Variants in KLHL33 observed in about 807,000 individuals in gnomAD.
KLHL33 encodes the protein kelch like family member 33, also known as kelch-like protein 33.
In KLHL33, 46 loss-of-function variants were observed where a neutral mutation model predicts 60.8. The ratio of observed to expected loss-of-function variants is 0.76; its 90% CI spans 0.60 to 0.97. The LOEUF (loss-of-function observed/expected upper bound fraction) is 0.97. Among genes scored for constraint, KLHL33 ranks in the 50% least tolerant of loss-of-function variants. The probability of loss-of-function intolerance (pLI) is 0.00; values close to 1 mark genes in which losing one functional copy is unlikely to be tolerated. For synonymous variants in KLHL33, 434 were observed against 432.2 expected (o/e 1.00, Z -0.05); for missense variants, 1,055 against 1,000.0 (o/e 1.05, Z -0.74).
Position 20,436,079 on chromosome 14 carries a change from GC to G in KLHL33, c.-20+19del. ...ACCGGGACCACACCCCTCCCCTATT[GC>G]CCCCATCCTTTTAGTCACCCTCAGG... On this transcript the variant is annotated intron_variant, in intron 1 of 4. Coordinates refer to ENST00000636854, the MANE Select transcript of KLHL33 (RefSeq NM_001365790.2). 3.2e-6 allele frequency: 1 copy of G among 309,198 alleles called. No homozygotes were observed. The highest frequency in any genetic ancestry group is 5.9e-6 in the Non-Finnish European group (1 of 170,026). 19.2% of individuals were successfully genotyped at this position (309,198 alleles called of 1,614,324 possible). A position where few individuals can be genotyped will look rare whatever the true frequency, so the allele number is the denominator to read the frequency against.
At chr14:20,432,927 A>AAAGAAAGAAAGAAAGAAAG (rs1566501778) in intron 2 of KLHL33, among the ~76,000 whole-genome samples, 2 of 20,532 alleles carry the variant, frequency 9.7e-5, no homozygotes, top group Non-Finnish European at 1.9e-4. Context: ...ATCTCAAAAA[A>AAAGAAAGAAAGAAAGAAAG]AAGAAAGAAA....
At chr14:20,433,200 A>G (rs1880578283) in intron 2 of KLHL33, among the ~76,000 whole-genome samples, 1 of 152,200 alleles carries the variant, frequency 6.6e-6, no homozygotes. Context: ...ATATAGTAAA[A>G]TATTAGTTGT....
chr14:20,430,156 T>C lies in KLHL33; in HGVS notation c.1312A>G (p.Arg438Gly). 6.4e-7 allele frequency: 1 copy of C among 1,551,414 alleles called. No individual in the cohort carries two copies. Residue 438 changes from arginine (R) to glycine (G), a missense_variant, in exon 3 of 5, where the codon AGG (arginine) becomes GGG (glycine). Coordinates refer to ENST00000636854, the MANE Select transcript of KLHL33 (RefSeq NM_001365790.2). The stretch of plus-strand genomic sequence containing the variant: ...GGAAGTAGCCCGGCTGCCCGCACCC[T>C]CCGCAACTCCCTGGTGGACATGCGG... Reference protein sequence around the residue: ...FGRMSTRELRRVRAAGLLPPL... With the variant: ...FGRMSTRELRGVRAAGLLPPL...
chr14:20,429,994 G>C lies in KLHL33; in HGVS notation c.1474C>G (p.Pro492Ala), dbSNP rs1299135816. The change falls in exon 3 of 5, where the codon CCA becomes GCA. Residue 492 changes from proline (P) to alanine (A), a missense_variant. By Grantham distance (27) the Pro-to-Ala change is conservative. Transcript: ENST00000636854. ...GLRPDMALRQ[P>A]SRAVWWARAF... ...CGGGCCCACCACACTGCTCGGGATGGTTGTCTTAGGGCCATGTCTGGTCTG... is the reference window on the plus strand; with the variant it reads ...CGGGCCCACCACACTGCTCGGGATGCTTGTCTTAGGGCCATGTCTGGTCTG... 1.3e-6 allele frequency: 2 copies of C among 1,551,718 alleles called. No individual in the cohort carries two copies. Among genetic ancestry groups the C allele is most frequent in the South Asian group, 2.4e-5 (2 of 84,068 alleles).
rs1880367647 is a variant in KLHL33, at chr14:20,428,550, A to G, written c.*299T>C. ...ACACTTTGGCTACTGAAGCTTCTTA[A>G]CTCTCTTTCAAACTAGATGCCCTTT... On this transcript the variant is annotated 3_prime_UTR_variant, in exon 5 of 5. Coordinates refer to ENST00000636854, the MANE Select transcript of KLHL33 (RefSeq NM_001365790.2). 3 of 354,618 alleles carry G rather than the reference A, an allele frequency of 8.5e-6. No individual in the cohort carries two copies. 22.0% of individuals were successfully genotyped at this position (354,618 alleles called of 1,614,324 possible).
chr14:20,430,585 C>A lies in KLHL33; in HGVS notation c.883G>T (p.Ala295Ser). 6.5e-7 allele frequency: 1 copy of A among 1,538,002 alleles called. No homozygotes were observed. The highest frequency in any genetic ancestry group is 8.7e-7 in the Non-Finnish European group (1 of 1,147,012). ...TQDLRLLVSF[A>S]YSGVVRARWP... The stretch of plus-strand genomic sequence containing the variant: ...CTTGCCCGCACAACTCCGGAGTAAG[C>A]AAAAGAGACGAGGAGTCGCAGGTCC... Residue 295 changes from alanine to serine, a missense_variant, in exon 3 of 5, where the codon GCT becomes TCT. Transcript: ENST00000636854.
In KLHL33 at chr14:20,426,494, C is replaced by CAAAAAAAAAAAAAAAAAAAA; in HGVS notation, c.*2335_*2354dup. On this transcript the variant is annotated 3_prime_UTR_variant, in exon 5 of 5. Transcript: ENST00000636854. ...TGGGCAACAGAGTAAAACTCTGTCT[C>CAAAAAAAAAAAAAAAAAAAA]AAAAAAAAAAAAAAAAAAAAGAAAA... 2.5e-5 allele frequency: 1 copy of CAAAAAAAAAAAAAAAAAAAA among 39,294 alleles called. No homozygotes were observed. The highest frequency in any genetic ancestry group is 4.6e-5 in the Non-Finnish European group (1 of 21,812). 2.4% of individuals were successfully genotyped at this position (39,294 alleles called of 1,614,324 possible).
intron 2 of KLHL33, among the ~76,000 whole-genome samples, chr14:20,431,273 G>A (rs775955505): frequency 1.2e-4 from 19 of 152,152 alleles, no homozygotes; most frequent in Non-Finnish European, 1.9e-4. Flanking sequence ...CAACCTCATC[G>A]GATTGCTGTC....
At position 20,435,561 on chromosome 14, in the gene KLHL33, G is replaced by T. The variant is rs937579566; in HGVS notation, c.251C>A (p.Ala84Glu). 3 of 1,234,864 alleles carry T rather than the reference G, an allele frequency of 2.4e-6. No homozygotes were observed. Among genetic ancestry groups the T allele is most frequent in the Non-Finnish European group, 3.0e-6 (3 of 988,528 alleles). The allele number at this position is 1,234,864 out of a possible 1,614,324, so 76.5% of individuals were successfully genotyped here. A position where few individuals can be genotyped will look rare whatever the true frequency, so the allele number is the denominator to read the frequency against. The change falls in exon 2 of 5, where the codon GCG becomes GAG. Residue 84 changes from alanine (A) to glutamate (E), a missense_variant. Transcript: ENST00000636854. ...EEEEEEEDED[A>E]AEPEWLRSEE... Reference sequence around the variant, plus strand: ...GCTGCGCAGCCACTCGGGCTCTGCCGCATCTTCATCTTCTTCCTCTTCCTC... The same window carrying T: ...GCTGCGCAGCCACTCGGGCTCTGCCTCATCTTCATCTTCTTCCTCTTCCTC...
chr14:20,430,060 C>T lies in KLHL33; in HGVS notation c.1408G>A (p.Glu470Lys), dbSNP rs1356650163. 3.2e-6 allele frequency: 5 copies of T among 1,551,636 alleles called. No homozygotes were observed. The highest frequency in any genetic ancestry group is 4.4e-6 in the Non-Finnish European group (5 of 1,147,020). ...ATCACTACCAGTGCCCGGTCAGGCT[C>T]CCTCCGTCTCTCTTGGCCTGGAACA... is the stretch of plus-strand genomic sequence containing the variant. ...ADVPGQERRREPDRALVVIGG... is the reference protein window; with the variant it reads ...ADVPGQERRRKPDRALVVIGG... The change falls in exon 3 of 5, where the codon GAG (glutamate) becomes AAG (lysine). Residue 470 changes from glutamate (E) to lysine (K), a missense_variant. Coordinates refer to ENST00000636854, the MANE Select transcript of KLHL33 (RefSeq NM_001365790.2).
At chr14:20,432,926 A>AAAAG (rs59220485) in intron 2 of KLHL33, among the ~76,000 whole-genome samples, 12,908 of 104,590 alleles carry the variant, frequency 0.12, 942 homozygotes, top group African/African-American at 0.13. Context: ...CATCTCAAAA[A>AAAAG]AAAGAAAGAA....
In KLHL33 at chr14:20,429,516, C is replaced by G; in HGVS notation, c.1827G>C (p.Glu609Asp). 1 of 1,552,280 alleles carries G rather than the reference C, an allele frequency of 6.4e-7. No individual in the cohort carries two copies. The highest frequency in any genetic ancestry group is 8.7e-7 in the Non-Finnish European group (1 of 1,147,116). Residue 609 changes from glutamate (E) to aspartate (D), a missense_variant, in exon 4 of 5, where the codon GAG becomes GAC. Transcript: ENST00000636854. Reference protein sequence around the residue: ...ALDSVETYNPELNVWRPAPAL... With the variant: ...ALDSVETYNPDLNVWRPAPAL... ...TGCCTGCTTACCTCCAGACATTGAG[C>G]TCAGGGTTGTAGGTCTCCACAGAGT...
At position 20,427,438 on chromosome 14, in the gene KLHL33, C is replaced by T. The variant is rs1056507162; in HGVS notation, c.*1411G>A. ...AATTATCTGAAAAGCCTCTGGAATACCCACTTCCTCTTTGCTATGGAGAAA... is the reference window on the plus strand; with the variant it reads ...AATTATCTGAAAAGCCTCTGGAATATCCACTTCCTCTTTGCTATGGAGAAA... On this transcript the variant is annotated 3_prime_UTR_variant, in exon 5 of 5. Transcript: ENST00000636854. 3 of 152,172 alleles carry T rather than the reference C, an allele frequency of 2.0e-5. No individual in the cohort carries two copies. Among genetic ancestry groups the T allele is most frequent in the African/African-American group, 7.2e-5 (3 of 41,446 alleles). 9.4% of individuals were successfully genotyped at this position (152,172 alleles called of 1,614,324 possible).
In KLHL33 at chr14:20,435,479, C is replaced by A; in HGVS notation, c.333G>T (p.Leu111=). ...CGACTGACACCTCTTCGTCCAGCAA[C>A]AGTCTCTGCTCCCGCAGCCGCTGGG... ...AEAQRLREQR[L]LLDEEVSVAG... is the part of the protein sequence containing the mutation. The change falls in exon 2 of 5, where the codon CTG becomes CTT. Residue 111 remains leucine (L), a synonymous_variant. Coordinates refer to ENST00000636854, the MANE Select transcript of KLHL33 (RefSeq NM_001365790.2). The A allele has an allele frequency of 8.1e-7, 1 of 1,234,598 alleles. No individual in the cohort carries two copies. The highest frequency in any genetic ancestry group is 1.0e-6 in the Non-Finnish European group (1 of 988,310). 76.5% of individuals were successfully genotyped at this position (1,234,598 alleles called of 1,614,324 possible).
At position 20,428,907 on chromosome 14, in the gene KLHL33, G is replaced by A; in HGVS notation, c.2336C>T (p.Pro779Leu). Reference sequence around the variant, plus strand: ...AACCAAAGCTATGTGCTGCACAGCGGGCAGTGTCAGGATGCAGGCAGGCAT... The same window carrying A: ...AACCAAAGCTATGTGCTGCACAGCGAGCAGTGTCAGGATGCAGGCAGGCAT... Reference protein sequence around the residue: ...AEMPACILTLPAVQHIALVPT... With the variant: ...AEMPACILTLLAVQHIALVPT... The change falls in exon 5 of 5, where the codon CCC becomes CTC. Residue 779 changes from proline (P) to leucine (L), a missense_variant. Physicochemically the swap from Pro to Leu is moderately conservative, Grantham distance 98 (BLOSUM62 -3). Transcript: ENST00000636854. The A allele has an allele frequency of 1.3e-6, 2 of 1,551,732 alleles. No individual in the cohort carries two copies. The highest frequency in any genetic ancestry group is 1.7e-6 in the Non-Finnish European group (2 of 1,146,996).
At chr14:20,434,565 G>A (rs1410184429) in intron 2 of KLHL33, among the ~76,000 whole-genome samples, 5 of 150,602 alleles carry the variant, frequency 3.3e-5, no homozygotes, top group East Asian at 3.9e-4. Flanking sequence ...AAAGTGCCAC[G>A]GCCTGGTAAC....
chr14:20,432,316 T>C (rs1428952668), intron 2 of KLHL33, among the ~76,000 whole-genome samples: 1 of 152,028 alleles, frequency 6.6e-6, no homozygotes, highest in African/African-American at 2.4e-5. Flanking sequence ...TTTCGCCATG[T>C]TGGACAGGCT....
At chr14:20,429,760 C>T (rs1285348983) in intron 3 of KLHL33, 35 bp downstream of exon 3, 14 of 1,520,442 alleles carry the variant, frequency 9.2e-6, no homozygotes, top group Non-Finnish European at 1.2e-5. Context: ...CACCTTAGGG[C>T]CTGCCACACC....
In KLHL33 at chr14:20,427,039, G is replaced by C. The variant is rs929440408; in HGVS notation, c.*1810C>G. The C allele has an allele frequency of 1.1e-4, 12 of 109,870 alleles. No homozygotes were observed. The Admixed American group carries it at 1.1e-3, about 10-fold the overall frequency. The allele number at this position is 109,870 out of a possible 1,614,324, so 6.8% of individuals were successfully genotyped here. A position where few individuals can be genotyped will look rare whatever the true frequency, so the allele number is the denominator to read the frequency against. On this transcript the variant is annotated 3_prime_UTR_variant, in exon 5 of 5. Transcript: ENST00000636854. ...CACACTCTGGAGAATGTTGTGGGGT[G>C]GGGGGAGGGGGGAAGGATAGCATTA...
Sources: gnomAD v4.1 joint callset for allele counts (sites outside exome capture counted in the v4.1 genomes callset) on GRCh38, gnomAD v4.1.1 for gene constraint, MANE v1.5 for transcripts, NCBI Gene and HGNC (gene_info 2026-07-23, HGNC 2026-07-21) for gene names.